Variants in SHANK2 observed in about 807,000 individuals in gnomAD.
SHANK2 encodes SH3 and multiple ankyrin repeat domains 2, also known as SH3 and multiple ankyrin repeat domains protein 2.
Under a neutral mutation model 133.7 loss-of-function variants are expected in SHANK2, and 43 were observed. The ratio of observed to expected loss-of-function variants is 0.32; its 90% CI spans 0.25 to 0.41. The LOEUF is 0.41. Among genes scored for constraint, SHANK2 ranks in the 10% least tolerant of loss-of-function variants. The probability of loss-of-function intolerance (pLI) is 1.00; values close to 1 mark genes in which losing one functional copy is unlikely to be tolerated. For missense variants in SHANK2, 1,994 were observed against 2,235.8 expected (o/e 0.89, Z 2.18); for synonymous variants, 1,017 against 952.8 (o/e 1.07, Z -1.24).
At chr11:70,742,588 C>A (rs564994525) in intron 14 of SHANK2, among the ~76,000 whole-genome samples, 3 of 152,186 alleles carry the variant, frequency 2.0e-5, no homozygotes, top group Non-Finnish European at 4.4e-5. Context: ...CACGCCACCC[C>A]CCACCCGGCT....
At chr11:70,653,567 C>CAAAAAAAAAAAAAAAAA (rs1157982312) in intron 17 of SHANK2, among the ~76,000 whole-genome samples, 2 of 61,786 alleles carry the variant, frequency 3.2e-5, no homozygotes, top group African/African-American at 5.5e-5. Context: ...CTCAGCCTTC[C>CAAAAAAAAAAAAAAAAA]AAAAAAAAAA....
chr11:70,733,738 C>T (rs986766364), intron 14 of SHANK2, among the ~76,000 whole-genome samples: 4 of 152,164 alleles, frequency 2.6e-5, no homozygotes, highest in African/African-American at 7.2e-5. Context: ...GGCCGTGCCC[C>T]ACTAGAAGAG....
chr11:70,523,354 ATGCCTGGGTTCAAGTCTC>A (rs1350504678), intron 17 of SHANK2, among the ~76,000 whole-genome samples: 3 of 152,182 alleles, frequency 2.0e-5, no homozygotes, highest in Non-Finnish European at 4.4e-5. Context: ...CAGGGTAGGA[ATGCCTGGGTTCAAGTCTC>A]AGCTGCCCCA....
chr11:71,213,176 T>C (rs1429465380), intron 2 of SHANK2, among the ~76,000 whole-genome samples: 1 of 151,650 alleles, frequency 6.6e-6, no homozygotes, highest in East Asian at 1.9e-4. Flanking sequence ...AAAAGGAGAA[T>C]CTTCCCGGGA....
At chr11:71,117,757 C>T (rs181574688) in intron 4 of SHANK2, among the ~76,000 whole-genome samples, 5 of 152,214 alleles carry the variant, frequency 3.3e-5, no homozygotes, top group African/African-American at 4.8e-5. Context: ...TGGGCCCTCC[C>T]GACGTCGCCT....
chr11:71,084,563 A>T (rs1217544938), intron 8 of SHANK2, among the ~76,000 whole-genome samples: 2 of 152,220 alleles, frequency 1.3e-5, no homozygotes, highest in African/African-American at 4.8e-5. Flanking sequence ...TCCAGGTGCT[A>T]GAACAGAGAC....
chr11:70,843,451 G>A lies in SHANK2; in HGVS notation c.1175-22769C>T, dbSNP rs1046945387. 2.0e-5 allele frequency among the ~76,000 whole-genome samples: 3 copies of A among 152,114 alleles called. No homozygotes were observed. In the East Asian group the frequency reaches 5.8e-4, roughly 30 times the overall value. On this transcript the variant is annotated intron_variant, in intron 11 of 25. Transcript: ENST00000601538. ...GCTGAAATTCGTATTGTGAGGTCCT[G>A]ACTCCTAGTGGGACTGCATGTGAAG...
intron 9 of SHANK2, among the ~76,000 whole-genome samples, chr11:71,064,264 T>G (rs1440203902): frequency 6.6e-6 from 1 of 151,956 alleles, no homozygotes; most frequent in Non-Finnish European, 1.5e-5. Context: ...TCAGGACGGG[T>G]GGGTCTGATG....
At chr11:70,662,079 G>A in intron 15 of SHANK2, 1 of 477,856 alleles carries the variant, frequency 2.1e-6, no homozygotes, top group Non-Finnish European at 3.9e-6. Flanking sequence ...CGGCGGCGTC[G>A]GGAATGAGCT....
intron 14 of SHANK2, among the ~76,000 whole-genome samples, chr11:70,731,315 G>C (rs1416211281): frequency 6.6e-6 from 1 of 152,180 alleles, no homozygotes; most frequent in Non-Finnish European, 1.5e-5. Flanking sequence ...ATGACTTCCA[G>C]CCTCCAGAAC....
intron 4 of SHANK2, among the ~76,000 whole-genome samples, chr11:71,114,200 C>T (rs1256096269): frequency 6.6e-6 from 1 of 152,156 alleles, no homozygotes; most frequent in Non-Finnish European, 1.5e-5. Flanking sequence ...GGGATAATAG[C>T]ACCCACCTCC....
At chr11:71,138,634 T>C (rs1289832736) in intron 3 of SHANK2, among the ~76,000 whole-genome samples, 24 of 150,910 alleles carry the variant, frequency 1.6e-4, no homozygotes, top group African/African-American at 5.1e-4. Context: ...CTGGACAATA[T>C]AGTGAGACTC....
chr11:71,143,917 C>T lies in SHANK2; in HGVS notation c.207+3203G>A, dbSNP rs574711693. Among the ~76,000 whole-genome samples the T allele has an allele frequency of 1.3e-3, 198 of 151,902 alleles. 1 individual carries two copies. Among genetic ancestry groups the T allele is most frequent in the South Asian group, 2.1e-3 (10 of 4,760 alleles). On this transcript the variant is annotated intron_variant, in intron 3 of 25. Coordinates refer to ENST00000601538, the MANE Select transcript of SHANK2 (RefSeq NM_012309.5). Reference sequence around the variant, plus strand: ...CAACTTTTTAGAACACAAGTACCACCGATAACGAGCATCGACCATCCATTC... The same window carrying T: ...CAACTTTTTAGAACACAAGTACCACTGATAACGAGCATCGACCATCCATTC...
intron 17 of SHANK2, chr11:70,634,074 T>G (rs1428385209): frequency 6.6e-6 from 1 of 152,006 alleles, no homozygotes; most frequent in Admixed American, 6.5e-5. Context: ...TGGGGACATA[T>G]CTACCAAGTG....
intron 9 of SHANK2, among the ~76,000 whole-genome samples, chr11:71,059,341 G>A (rs1379689242): frequency 3.9e-5 from 6 of 152,202 alleles, no homozygotes; most frequent in African/African-American, 7.2e-5. Flanking sequence ...TAAGGTTGAC[G>A]GTTGTGATGG....
At chr11:71,163,093 A>AACATATATAT in intron 2 of SHANK2, among the ~76,000 whole-genome samples, 1 of 84,678 alleles carries the variant, frequency 1.2e-5, no homozygotes, top group African/African-American at 4.6e-5. Flanking sequence ...AAAAAAAAAA[A>AACATATATAT]ATACATATAT....
intron 8 of SHANK2, among the ~76,000 whole-genome samples, chr11:71,089,310 C>T (rs919433050): frequency 6.6e-4 from 101 of 152,258 alleles, no homozygotes; most frequent in Non-Finnish European, 9.1e-4. Flanking sequence ...GGCAGAGGAA[C>T]GGGGCCATGT....
intron 14 of SHANK2, among the ~76,000 whole-genome samples, chr11:70,703,572 C>G (rs1186390693): frequency 6.6e-6 from 1 of 152,178 alleles, no homozygotes; most frequent in Non-Finnish European, 1.5e-5. Context: ...GGCTGCTGGG[C>G]TGCCCCTTCC....
intron 3 of SHANK2, among the ~76,000 whole-genome samples, chr11:71,144,133 A>G (rs539782689): frequency 1.3e-5 from 2 of 152,336 alleles, no homozygotes; most frequent in Non-Finnish European, 2.9e-5. Context: ...CACAGTGGAT[A>G]GTAAGTGGGA....
Sources: allele counts gnomAD v4.1 joint callset (sites outside exome capture counted in the v4.1 genomes callset), GRCh38; gene constraint gnomAD v4.1.1; transcripts MANE v1.5; gene names NCBI Gene and HGNC (gene_info 2026-07-23, HGNC 2026-07-21).